Variants in DLC1 observed in about 807,000 individuals in gnomAD.
DLC1 encodes DLC1 Rho GTPase activating protein, also known as rho GTPase-activating protein 7.
Under a neutral mutation model 140.3 loss-of-function variants are expected in DLC1, and 54 were observed. The observed-to-expected ratio is 0.38, with a 90% CI of 0.31 to 0.48. The LOEUF (loss-of-function observed/expected upper bound fraction) is 0.48, where lower values mean the gene tolerates loss of function less well. Ranked by LOEUF, DLC1 falls within the 20% of genes least tolerant of loss-of-function variation. The probability of loss-of-function intolerance (pLI) is 0.96; values close to 1 mark genes in which losing one functional copy is unlikely to be tolerated. For missense variants in DLC1, 2,536 were observed against 1,907.0 expected (o/e 1.33, Z -6.14); for synonymous variants, 986 against 728.1 (o/e 1.35, Z -5.70).
chr8:13,244,440 G>C (rs1256425141), intron 5 of DLC1, among the ~76,000 whole-genome samples: 1 of 151,918 alleles, frequency 6.6e-6, no homozygotes, highest in East Asian at 1.9e-4. Flanking sequence ...TGGGACTACA[G>C]GTGTGCAGCA....
intron 5 of DLC1, among the ~76,000 whole-genome samples, chr8:13,140,220 A>T: frequency 6.6e-6 from 1 of 152,122 alleles, no homozygotes; most frequent in Non-Finnish European, 1.5e-5. Context: ...ACAAGTTTAT[A>T]TCTATATCTA....
chr8:13,089,296 T>C (rs1276793829), intron 15 of DLC1, among the ~76,000 whole-genome samples: 1 of 151,064 alleles, frequency 6.6e-6, no homozygotes, highest in African/African-American at 2.4e-5. Context: ...TTGTTTTTTT[T>C]TTTCTGGGAC....
At chr8:13,163,990 A>G (rs1405412887) in intron 5 of DLC1, among the ~76,000 whole-genome samples, 1 of 150,190 alleles carries the variant, frequency 6.7e-6, no homozygotes, top group Non-Finnish European at 1.5e-5. Flanking sequence ...ATGACAGAGG[A>G]GACACTGCCT....
At chr8:13,546,372 T>C (rs1437106408) in intron 1 of DLC1, among the ~76,000 whole-genome samples, 4 of 152,170 alleles carry the variant, frequency 2.6e-5, no homozygotes, top group Admixed American at 2.6e-4. Context: ...AAAACTATTT[T>C]AATATGATGA....
At chr8:13,385,272 C>A (rs1039283275) in intron 4 of DLC1, among the ~76,000 whole-genome samples, 1 of 152,006 alleles carries the variant, frequency 6.6e-6, no homozygotes, top group Admixed American at 6.6e-5. Context: ...ACAGTAACAA[C>A]AACAACAACA....
rs969528956 is a variant in DLC1 at position 13,567,906 on chromosome 8, T to C, written c.-126+36631A>G. On this transcript the variant is annotated intron_variant, in intron 1 of 1. Transcript: ENST00000631382. ...TTTCTCTGCCATTTCTCAAGCGACT[T>C]ACTCTAATCAAACCAGAGCTGGTGA... 3 of 1,551,830 alleles carry C rather than the reference T, an allele frequency of 1.9e-6. No homozygotes were observed. The African/African-American group carries it at 4.1e-5, about 21-fold the overall frequency.
intron 2 of DLC1, among the ~76,000 whole-genome samples, chr8:13,420,599 C>T (rs531992946): frequency 2.0e-5 from 3 of 151,960 alleles, no homozygotes; most frequent in Non-Finnish European, 4.4e-5. Flanking sequence ...TGTGATGTTC[C>T]CCTCCTTGTG....
intron 2 of DLC1, among the ~76,000 whole-genome samples, chr8:13,450,879 A>G (rs1490930852): frequency 1.3e-5 from 2 of 151,758 alleles, no homozygotes; most frequent in Non-Finnish European, 2.9e-5. Context: ...TTTCTACTAA[A>G]AATACAAAAA....
intron 1 of DLC1, among the ~76,000 whole-genome samples, chr8:13,563,079 G>A (rs575850055): frequency 5.9e-5 from 9 of 152,206 alleles, no homozygotes; most frequent in Admixed American, 3.3e-4. Context: ...CAAGAACAGA[G>A]AAGAAAACTA....
chr8:13,249,891 T>C (rs2117279125), intron 5 of DLC1, among the ~76,000 whole-genome samples: 1 of 152,328 alleles, frequency 6.6e-6, no homozygotes, highest in East Asian at 1.9e-4. Context: ...CTTCACACAC[T>C]TGCCCATATC....
chr8:13,165,047 G>A (rs537930922), intron 5 of DLC1, among the ~76,000 whole-genome samples: 1 of 152,232 alleles, frequency 6.6e-6, no homozygotes, highest in South Asian at 2.1e-4. Context: ...CTTTATGACT[G>A]GTTTCTGATT....
At chr8:13,256,114 G>C (rs1362527727) in intron 5 of DLC1, among the ~76,000 whole-genome samples, 1 of 152,220 alleles carries the variant, frequency 6.6e-6, no homozygotes, top group East Asian at 1.9e-4. Context: ...CCCAGACTAA[G>C]GTTTACAAGG....
At chr8:13,592,161 C>A (rs1372424587) in intron 1 of DLC1, among the ~76,000 whole-genome samples, 5 of 151,970 alleles carry the variant, frequency 3.3e-5, no homozygotes, top group Non-Finnish European at 5.9e-5. Flanking sequence ...AGAAGAGCAG[C>A]TTTATTGGGC....
chr8:13,389,428 A>G (rs765008309), intron 4 of DLC1, among the ~76,000 whole-genome samples: 1 of 152,120 alleles, frequency 6.6e-6, no homozygotes, highest in South Asian at 2.1e-4. Flanking sequence ...AGAGTCTAGT[A>G]CGAAAGGCAT....
intron 1 of DLC1, among the ~76,000 whole-genome samples, chr8:13,537,535 C>T (rs373361345): frequency 1.3e-4 from 19 of 151,572 alleles, no homozygotes; most frequent in African/African-American, 3.9e-4. Context: ...ACATGGGCTA[C>T]GAGACAGACA....
Position 13,382,489 on chromosome 8 carries a change from C to CAG in DLC1, c.1314+11062_1314+11063dup, listed in dbSNP as rs1249535791. Among the ~76,000 whole-genome samples, 52 of 102,178 alleles carry CAG rather than the reference C, an allele frequency of 5.1e-4. 1 individual carries two copies. The Middle Eastern group carries it at 0.062, about 123-fold the overall frequency. 67.0% of individuals were successfully genotyped at this position (102,178 alleles called of 152,430 possible). A position where few individuals can be genotyped will look rare whatever the true frequency, so the allele number is the denominator to read the frequency against. ...CGCCACTGCACTCCAGCCTGGGCGA[C>CAG]AGCGAGACTCCGTCTCAAAAAAAAA... On this transcript the variant is annotated intron_variant, in intron 4 of 17. Transcript: ENST00000276297.
chr8:13,222,980 T>C (rs1174428703), intron 5 of DLC1, among the ~76,000 whole-genome samples: 1 of 151,926 alleles, frequency 6.6e-6, no homozygotes, highest in Non-Finnish European at 1.5e-5. Context: ...CTTGAACTCC[T>C]GGGCTCAAGG....
intron 1 of DLC1, among the ~76,000 whole-genome samples, chr8:13,554,837 A>C (rs1032585858): frequency 1.3e-5 from 2 of 152,194 alleles, no homozygotes; most frequent in Admixed American, 6.5e-5. Flanking sequence ...TGTCTGCTCA[A>C]ATATTCTAAT....
At chr8:13,559,466 T>C (rs1804168652) in intron 1 of DLC1, 1 of 152,250 alleles carries the variant, frequency 6.6e-6, no homozygotes, top group Non-Finnish European at 1.5e-5. Context: ...GGCAGGGTGA[T>C]ATTTTTATGC....
Sources: gnomAD v4.1 joint callset for allele counts (sites outside exome capture counted in the v4.1 genomes callset) on GRCh38, gnomAD v4.1.1 for gene constraint, MANE v1.5 for transcripts, NCBI Gene and HGNC (gene_info 2026-07-23, HGNC 2026-07-21) for gene names.